Variants in LINGO2 observed in about 807,000 individuals in gnomAD.
LINGO2 encodes the protein leucine-rich repeat and immunoglobulin-like domain-containing nogo receptor-interacting protein 2.
Under a neutral mutation model 30.6 loss-of-function variants are expected in LINGO2, and 14 were observed. That is an observed-to-expected ratio of 0.46 (90% CI 0.30 to 0.72). The LOEUF (loss-of-function observed/expected upper bound fraction) is 0.72. Among genes scored for constraint, LINGO2 ranks in the 30% least tolerant of loss-of-function variants. The probability of loss-of-function intolerance (pLI) is 0.07; values close to 1 mark genes in which losing one functional copy is unlikely to be tolerated. For synonymous variants in LINGO2, 317 were observed against 288.5 expected, an observed-to-expected ratio of 1.10 and a Z score of -1.00; for missense variants, 729 against 751.7, an observed-to-expected ratio of 0.97 and a Z score of 0.35.
the LINGO2 span, among the ~76,000 whole-genome samples, chr9:29,000,599 A>G: frequency 6.6e-6 from 1 of 151,940 alleles, no homozygotes; most frequent in African/African-American, 2.4e-5. Flanking sequence ...ACATTCTGAA[A>G]TACCTTTATG....
intron 4 of LINGO2, among the ~76,000 whole-genome samples, chr9:28,277,458 C>A (rs1374019844): frequency 1.3e-5 from 2 of 152,070 alleles, no homozygotes; most frequent in Non-Finnish European, 2.9e-5. Flanking sequence ...CTATACTGCC[C>A]TTTAACTGTT....
At chr9:28,910,456 T>C in the LINGO2 span, among the ~76,000 whole-genome samples, 2 of 152,024 alleles carry the variant, frequency 1.3e-5, no homozygotes, top group Admixed American at 6.6e-5. Flanking sequence ...ACTCTGATAA[T>C]GTTTGGCTCT....
chr9:29,075,147 A>G, the LINGO2 span, among the ~76,000 whole-genome samples: 1 of 152,154 alleles, frequency 6.6e-6, no homozygotes, highest in African/African-American at 2.4e-5. Flanking sequence ...TAGTTCTGAA[A>G]ACACAATTGC....
chr9:29,024,166 G>T, the LINGO2 span, among the ~76,000 whole-genome samples: 1 of 151,954 alleles, frequency 6.6e-6, no homozygotes, highest in Non-Finnish European at 1.5e-5. Context: ...CCAAAATATA[G>T]ATCTGATCAT....
the LINGO2 span, among the ~76,000 whole-genome samples, chr9:28,762,255 T>C: frequency 6.6e-6 from 1 of 152,044 alleles, no homozygotes; most frequent in Non-Finnish European, 1.5e-5. Context: ...GAGGCTGTTA[T>C]AACTTTAGTG....
At chr9:28,797,625 C>T in the LINGO2 span, among the ~76,000 whole-genome samples, 50 of 151,496 alleles carry the variant, frequency 3.3e-4, no homozygotes, top group Non-Finnish European at 4.7e-4. Flanking sequence ...GAAGGCTATA[C>T]CTAAAGTTGG....
chr9:28,346,327 G>A (rs1819567220), intron 3 of LINGO2, among the ~76,000 whole-genome samples: 1 of 152,114 alleles, frequency 6.6e-6, no homozygotes, highest in Non-Finnish European at 1.5e-5. Flanking sequence ...GGTTTGCTAA[G>A]GATAATGGCC....
At chr9:27,951,495 C>A (rs1443532181) in intron 5 of LINGO2, among the ~76,000 whole-genome samples, 1 of 152,014 alleles carries the variant, frequency 6.6e-6, no homozygotes, top group Non-Finnish European at 1.5e-5. Flanking sequence ...AAATAATTTT[C>A]AGAAAAAGTA....
chr9:29,047,154 G>A, the LINGO2 span, among the ~76,000 whole-genome samples: 2 of 151,596 alleles, frequency 1.3e-5, 1 homozygote, highest in South Asian at 4.2e-4. Context: ...CATCCCCTAT[G>A]CATCCAACAA....
At chr9:28,273,657 A>C (rs1464199689) in intron 4 of LINGO2, among the ~76,000 whole-genome samples, 1 of 152,152 alleles carries the variant, frequency 6.6e-6, no homozygotes, top group African/African-American at 2.4e-5. Flanking sequence ...TAATGCTTCT[A>C]TCAGAGGATA....
At chr9:28,500,083 C>T (rs1587763029) in intron 1 of LINGO2, among the ~76,000 whole-genome samples, 1 of 152,122 alleles carries the variant, frequency 6.6e-6, no homozygotes, top group Non-Finnish European at 1.5e-5. Flanking sequence ...CTGCCCTTCT[C>T]CCTGTTTTGG....
chr9:28,747,771 C>G, the LINGO2 span, among the ~76,000 whole-genome samples: 1 of 138,646 alleles, frequency 7.2e-6, no homozygotes, highest in Non-Finnish European at 1.6e-5. Flanking sequence ...AACATACTGG[C>G]TATTGTTATA....
chr9:29,005,363 C>T, the LINGO2 span, among the ~76,000 whole-genome samples: 2 of 151,656 alleles, frequency 1.3e-5, no homozygotes. Flanking sequence ...AGAGAAGATA[C>T]ATAGATTAAT....
intron 5 of LINGO2, among the ~76,000 whole-genome samples, chr9:27,995,401 GC>G (rs1821609268): frequency 6.6e-6 from 1 of 152,070 alleles, no homozygotes; most frequent in African/African-American, 2.4e-5. Flanking sequence ...GCTTTACCCT[GC>G]TACCCAAACC....
At chr9:28,474,677 G>A (rs1162313741) in intron 2 of LINGO2, among the ~76,000 whole-genome samples, 1 of 152,162 alleles carries the variant, frequency 6.6e-6, no homozygotes, top group African/African-American at 2.4e-5. Flanking sequence ...TGTTCAGGCA[G>A]CCAAGGGTAC....
intron 1 of LINGO2, among the ~76,000 whole-genome samples, chr9:28,558,481 C>T (rs992425525): frequency 1.3e-5 from 2 of 152,058 alleles, no homozygotes; most frequent in Admixed American, 6.6e-5. Flanking sequence ...CCTGTTTTAT[C>T]CTCTTTGGGG....
Position 28,000,932 on chromosome 9 carries a change from T to C in LINGO2, c.-36+11423A>G, listed in dbSNP as rs548710535. Among the ~76,000 whole-genome samples, 33 of 152,350 alleles carry C rather than the reference T, an allele frequency of 2.2e-4. 1 individual carries two copies. In the South Asian group the frequency reaches 3.7e-3, roughly 17 times the overall value. On this transcript the variant is annotated intron_variant, in intron 5 of 5. Coordinates refer to ENST00000379992, the Ensembl canonical transcript of LINGO2. ...TATCCTGACATGCCAGCTCAATTCT[T>C]ATTCAAACAATGTCTAAAACTGTTA... is the stretch of plus-strand genomic sequence containing the variant.
the LINGO2 span, among the ~76,000 whole-genome samples, chr9:29,144,465 A>C: frequency 6.6e-6 from 1 of 152,180 alleles, no homozygotes; most frequent in East Asian, 1.9e-4. Context: ...TTGGAAAAAA[A>C]AATATACTGG....
At chr9:28,992,028 A>G in the LINGO2 span, among the ~76,000 whole-genome samples, 1 of 152,214 alleles carries the variant, frequency 6.6e-6, no homozygotes. Flanking sequence ...TTAACTTTAA[A>G]TGTAAATGGA....
Sources: allele counts gnomAD v4.1 joint callset (sites outside exome capture counted in the v4.1 genomes callset), GRCh38; gene constraint gnomAD v4.1.1; transcripts MANE v1.5; gene names NCBI Gene and HGNC (gene_info 2026-07-23, HGNC 2026-07-21).